Variants in DNPEP observed in about 807,000 individuals in gnomAD.
The protein encoded by DNPEP is aspartyl aminopeptidase.
DNPEP carries 46 observed loss-of-function variants against 59.1 expected under a neutral mutation model. The ratio of observed to expected loss-of-function variants is 0.78; its 90% confidence interval spans 0.61 to 0.99. DNPEP has a LOEUF of 0.99. Ranked by LOEUF, DNPEP falls within the 50% of genes least tolerant of loss-of-function variation. The pLI, the probability that DNPEP is intolerant of heterozygous loss-of-function variation, is 0.00. For missense variants in DNPEP, 617 were observed against 649.9 expected (o/e 0.95, Z 0.55); for synonymous variants, 229 against 242.2 (o/e 0.95, Z 0.50).
At chr2:219,390,370 A>T (rs1953996454), upstream of DNPEP, among the ~76,000 whole-genome samples, 1 of 152,244 alleles carries the variant, frequency 6.6e-6, no homozygotes, top group Admixed American at 6.5e-5. Flanking sequence ...AATTTAAAAA[A>T]CACTGACTTT....
upstream of DNPEP, chr2:219,388,084 G>T: frequency 3.7e-6 from 1 of 271,422 alleles, no homozygotes; most frequent in Non-Finnish European, 5.0e-6. Flanking sequence ...CCCGCCCCTA[G>T]CTTGGCCGCA....
Position 219,387,128 on chromosome 2 carries a change from C to T in DNPEP, c.72G>A (p.Val24=), listed in dbSNP as rs1953878963. ...TGAGGAGTTCCTTAGCCGCAGTCTG[C>T]ACCGCCTCTTTGCGGGCCTTACCGT... ...AMNGKARKEA[V]QTAAKELLKF... Residue 24 remains valine, a synonymous_variant, in exon 2 of 15, where the codon GTG becomes GTA. Coordinates refer to ENST00000273075, the MANE Select transcript of DNPEP (RefSeq NM_012100.4). 6.4e-7 allele frequency: 1 copy of T among 1,570,934 alleles called. No individual in the cohort carries two copies. The highest frequency in any genetic ancestry group is 8.6e-7 in the Non-Finnish European group (1 of 1,156,552).
At chr2:219,394,521 T>C (rs972839196) in intron 1 of DNPEP, among the ~76,000 whole-genome samples, 2 of 151,916 alleles carry the variant, frequency 1.3e-5, no homozygotes, top group African/African-American at 4.8e-5. Context: ...AGCGATACTC[T>C]TACCTGGGGC....
At chr2:219,389,649 G>A (rs1238545601), upstream of DNPEP, among the ~76,000 whole-genome samples, 1 of 151,942 alleles carries the variant, frequency 6.6e-6, no homozygotes, top group African/African-American at 2.4e-5. Context: ...GACCAACATG[G>A]TGAAACCCCG....
At chr2:219,392,438 C>A (rs190469911), upstream of DNPEP, among the ~76,000 whole-genome samples, 7 of 152,152 alleles carry the variant, frequency 4.6e-5, no homozygotes, top group Admixed American at 6.5e-5. Context: ...ATCTCCGCCT[C>A]CTGGGTTCAA....
At chr2:219,380,861 A>ACACACACACACACACACACACACT (rs1171039255) in intron 13 of DNPEP, among the ~76,000 whole-genome samples, 1 of 151,874 alleles carries the variant, frequency 6.6e-6, no homozygotes, top group Admixed American at 6.6e-5. Flanking sequence ...ACACACACAC[A>ACACACACACACACACACACACACT]CTGAGGAGAA....
In DNPEP at chr2:219,386,374, TG is replaced by T. The variant is rs771017630; in HGVS notation, c.370del (p.Gln124SerfsTer21). 2.5e-6 allele frequency: 4 copies of T among 1,614,236 alleles called. No homozygotes were observed. The highest frequency in any genetic ancestry group is 3.4e-6 in the Non-Finnish European group (4 of 1,180,048). On this transcript the variant is annotated frameshift_variant, in exon 5 of 15. Coordinates refer to ENST00000273075, the MANE Select transcript of DNPEP (RefSeq NM_012100.4). LOFTEE classifies it high-confidence loss of function. ...RRSRRSQVGF[Q>X]QVGVETYGGG... ...ACCATAGGTCTCCACACCGACTTGC[TG>T]GAAGCCCACCTGGCTGCGGCGAGAC...
intron 13 of DNPEP, among the ~76,000 whole-genome samples, chr2:219,379,652 G>A (rs1953507377): frequency 6.6e-6 from 1 of 152,178 alleles, no homozygotes; most frequent in African/African-American, 2.4e-5. Flanking sequence ...GCCGGGTGCA[G>A]TGGCTCACAC....
At position 219,372,356 on chromosome 2, in the gene DNPEP, C is replaced by A. The variant is rs973906747; in HGVS notation, c.*1936G>T. On this transcript the variant is annotated 3_prime_UTR_variant, in exon 15 of 15. Coordinates refer to ENST00000273075, the MANE Select transcript of DNPEP (RefSeq NM_012100.4). Reference sequence around the variant, plus strand: ...ACATCTACGTGCATATTTATATACACATAAAAATATATAATAATTTTTTTT... The same window carrying A: ...ACATCTACGTGCATATTTATATACAAATAAAAATATATAATAATTTTTTTT... Among the ~76,000 whole-genome samples the A allele has an allele frequency of 1.3e-5, 2 of 152,076 alleles. No homozygotes were observed. Among genetic ancestry groups the A allele is most frequent in the Non-Finnish European group, 2.9e-5 (2 of 68,024 alleles).
At chr2:219,380,322 C>G (rs1953540062) in intron 13 of DNPEP, among the ~76,000 whole-genome samples, 1 of 150,812 alleles carries the variant, frequency 6.6e-6, no homozygotes, top group African/African-American at 2.4e-5. Context: ...CTCAAGAGAT[C>G]CTTCCCAAGT....
rs377653451 is a variant in DNPEP at position 219,384,447 on chromosome 2, G to A, written c.775-4C>T. ...CATCATAGGCACCACCCAAGACCTAGAGAGGTAAGACAGTCAGCCCGACCT... is the reference window on the plus strand; with the variant it reads ...CATCATAGGCACCACCCAAGACCTAAAGAGGTAAGACAGTCAGCCCGACCT... On this transcript the variant is annotated splice_region_variant and splice_polypyrimidine_tract_variant and intron_variant, in intron 8 of 14. Transcript: ENST00000273075. 2 of 1,609,008 alleles carry A rather than the reference G, an allele frequency of 1.2e-6. No homozygotes were observed. The highest frequency in any genetic ancestry group is 3.4e-5 in the Admixed American group (2 of 59,588).
rs552928896 is a variant in DNPEP, at chr2:219,375,649, C to T, written c.1240-627G>A. On this transcript the variant is annotated intron_variant, in intron 13 of 14. Transcript: ENST00000273075. ...CAATCTCAGCTCGCTGCAACCTCTG[C>T]CTCCTGGGTTCAAGCGATTCTCCTG... Among the ~76,000 whole-genome samples, 15 of 152,248 alleles carry T rather than the reference C, an allele frequency of 9.9e-5. No individual in the cohort carries two copies. In the South Asian group the frequency reaches 1.7e-3, roughly 17 times the overall value.
In DNPEP at chr2:219,374,860, A is replaced by G; in HGVS notation, c.1402T>C (p.Phe468Leu). The change falls in exon 14 of 15, where the codon TTC (phenylalanine) becomes CTC (leucine). Residue 468 changes from phenylalanine to leucine, a missense_variant. Transcript: ENST00000273075. Reference protein sequence around the residue: ...TTGVLQTLTLFKGFFELFPSL... With the variant: ...TTGVLQTLTLLKGFFELFPSL... Reference sequence around the variant, plus strand: ...GGGTCTGGGGTGGGTGTTACCTTGAAGAGGGTGAGGGTCTGGAGGACTCCT... The same window carrying G: ...GGGTCTGGGGTGGGTGTTACCTTGAGGAGGGTGAGGGTCTGGAGGACTCCT... 6.2e-7 allele frequency: 1 copy of G among 1,612,950 alleles called. No individual in the cohort carries two copies. Among genetic ancestry groups the G allele is most frequent in the Non-Finnish European group, 8.5e-7 (1 of 1,179,078 alleles).
At chr2:219,387,015 C>G (rs1310768381) in intron 2 of DNPEP, 35 bp from the exon 3 acceptor site, 4 of 1,613,656 alleles carry the variant, frequency 2.5e-6, no homozygotes, top group Non-Finnish European at 3.4e-6. Context: ...GCGATGGAAG[C>G]TGGTGAAGGG....
chr2:219,398,273 C>A (rs1337258126), intron 1 of DNPEP, among the ~76,000 whole-genome samples: 1 of 152,260 alleles, frequency 6.6e-6, no homozygotes, highest in Non-Finnish European at 1.5e-5. Flanking sequence ...CTGCGCTAAT[C>A]ATCTTGATAT....
intron 1 of DNPEP, among the ~76,000 whole-genome samples, chr2:219,396,930 A>G (rs532381121): frequency 6.6e-6 from 1 of 152,206 alleles, no homozygotes; most frequent in African/African-American, 2.4e-5. Context: ...CCCTCAAAGG[A>G]AAACCAACTG....
At chr2:219,386,513 T>C (rs1350688030) in intron 4 of DNPEP, 102 bp from the exon 5 acceptor site, 3 of 1,543,390 alleles carry the variant, frequency 1.9e-6, no homozygotes, top group Non-Finnish European at 2.7e-6. Flanking sequence ...TAGTGTCACA[T>C]GAAAGGCTCA....
chr2:219,392,720 G>A (rs1274013075), upstream of DNPEP, among the ~76,000 whole-genome samples: 1 of 152,144 alleles, frequency 6.6e-6, no homozygotes, highest in Non-Finnish European at 1.5e-5. Flanking sequence ...ATGTTGGCCA[G>A]GCTGGTCTTG....
At chr2:219,392,819 A>G (rs1954039817), upstream of DNPEP, among the ~76,000 whole-genome samples, 1 of 152,156 alleles carries the variant, frequency 6.6e-6, no homozygotes, top group African/African-American at 2.4e-5. Context: ...CTAGAACTAC[A>G]AACTATTGAT....
Sources: gnomAD v4.1 joint callset for allele counts (sites outside exome capture counted in the v4.1 genomes callset) on GRCh38, gnomAD v4.1.1 for gene constraint, MANE v1.5 for transcripts, NCBI Gene and HGNC (gene_info 2026-07-23, HGNC 2026-07-21) for gene names.